The following NKAIN2 variants were observed in gnomAD, a reference collection of about 807,000 sequenced individuals.
NKAIN2 encodes sodium/potassium-transporting ATPase subunit beta-1-interacting protein 2.
In NKAIN2, 14 loss-of-function variants were observed where a neutral mutation model predicts 32.6. The observed-to-expected ratio is 0.43, with a 90% confidence interval of 0.28 to 0.67. The LOEUF (loss-of-function observed/expected upper bound fraction) is 0.67. Among genes scored for constraint, NKAIN2 ranks in the 30% least tolerant of loss-of-function variants. The pLI is 0.17. For missense variants in NKAIN2, 198 were observed against 258.3 expected (o/e 0.77, Z 1.60); for synonymous variants, 80 against 87.2 (o/e 0.92, Z 0.46).
chr6:124,573,982 A>G (rs369027854), intron 3 of NKAIN2, among the ~76,000 whole-genome samples: 3 of 152,204 alleles, frequency 2.0e-5, no homozygotes, highest in African/African-American at 7.2e-5. Context: ...AAAGGTAGAT[A>G]TAACCAGAAG....
intron 3 of NKAIN2, among the ~76,000 whole-genome samples, chr6:124,355,973 C>G (rs1798952705): frequency 6.6e-6 from 1 of 152,136 alleles, no homozygotes; most frequent in African/African-American, 2.4e-5. Context: ...CATCATCCTT[C>G]TGTTAGAATG....
chr6:124,821,111 A>G (rs909660221), intron 6 of NKAIN2, among the ~76,000 whole-genome samples: 3 of 152,106 alleles, frequency 2.0e-5, no homozygotes, highest in African/African-American at 7.2e-5. Context: ...CCTGGCCAAC[A>G]TGGCGAAACT....
intron 3 of NKAIN2, among the ~76,000 whole-genome samples, chr6:124,599,794 G>T (rs1479275186): frequency 1.3e-5 from 2 of 152,096 alleles, no homozygotes; most frequent in African/African-American, 4.8e-5. Context: ...TACCTCTCTT[G>T]TTCTTTTAGC....
intron 1 of NKAIN2, among the ~76,000 whole-genome samples, chr6:123,898,707 A>G (rs1480567744): frequency 6.6e-6 from 1 of 152,148 alleles, no homozygotes; most frequent in Non-Finnish European, 1.5e-5. Context: ...AGTCATCATC[A>G]TCATCACTGT....
intron 1 of NKAIN2, among the ~76,000 whole-genome samples, chr6:124,255,200 C>T (rs995478505): frequency 1.3e-5 from 2 of 152,124 alleles, no homozygotes; most frequent in Non-Finnish European, 2.9e-5. Context: ...TGATAAAATG[C>T]AAGAAGGCAT....
At chr6:124,483,782 A>G (rs1402864674) in intron 3 of NKAIN2, among the ~76,000 whole-genome samples, 2 of 152,020 alleles carry the variant, frequency 1.3e-5, no homozygotes, top group Non-Finnish European at 2.9e-5. Context: ...TAACTGTATT[A>G]TAACTAAATA....
chr6:123,951,408 T>C (rs756883033), intron 1 of NKAIN2, among the ~76,000 whole-genome samples: 33 of 152,046 alleles, frequency 2.2e-4, no homozygotes, highest in Non-Finnish European at 4.0e-4. Flanking sequence ...CTTTTACGTC[T>C]AGTAATGTTT....
intron 3 of NKAIN2, among the ~76,000 whole-genome samples, chr6:124,511,111 C>T (rs1295188269): frequency 6.6e-6 from 1 of 151,970 alleles, no homozygotes; most frequent in Non-Finnish European, 1.5e-5. Flanking sequence ...TTGAAAAAAA[C>T]AGAGACCAAT....
intron 4 of NKAIN2, among the ~76,000 whole-genome samples, chr6:124,779,308 G>A (rs1779141807): frequency 1.1e-5 from 1 of 94,228 alleles, no homozygotes; most frequent in South Asian, 4.7e-4. Context: ...GGGAGGGAGG[G>A]AGGGAGGGAG....
At chr6:124,633,747 T>C (rs1783662437) in intron 3 of NKAIN2, among the ~76,000 whole-genome samples, 1 of 152,216 alleles carries the variant, frequency 6.6e-6, no homozygotes, top group African/African-American at 2.4e-5. Flanking sequence ...TGGAGCCCAG[T>C]ACCCGTGCAC....
chr6:123,967,889 G>C (rs563075333), intron 1 of NKAIN2, among the ~76,000 whole-genome samples: 98 of 152,236 alleles, frequency 6.4e-4, no homozygotes, highest in African/African-American at 2.2e-3. Flanking sequence ...CTCGCTCTCT[G>C]TGGTATCTCA....
At chr6:123,970,283 G>T (rs937747863) in intron 1 of NKAIN2, among the ~76,000 whole-genome samples, 1 of 152,126 alleles carries the variant, frequency 6.6e-6, no homozygotes, top group Non-Finnish European at 1.5e-5. Context: ...AAATGGTAAG[G>T]CTGGTATGTA....
At chr6:124,023,402 C>G (rs1265084411) in intron 1 of NKAIN2, among the ~76,000 whole-genome samples, 6 of 152,058 alleles carry the variant, frequency 3.9e-5, no homozygotes, top group Non-Finnish European at 8.8e-5. Context: ...AGCCTATTCT[C>G]TGAAATTTTT....
At chr6:124,213,310 A>T (rs1470502189) in intron 1 of NKAIN2, among the ~76,000 whole-genome samples, 2 of 152,176 alleles carry the variant, frequency 1.3e-5, no homozygotes, top group Non-Finnish European at 2.9e-5. Flanking sequence ...GTACTCAATA[A>T]ATATTTGTCA....
Position 124,823,331 on chromosome 6 carries a change from A to G in NKAIN2, c.*102A>G, listed in dbSNP as rs894690006. 2.8e-5 allele frequency: 23 copies of G among 818,568 alleles called. No homozygotes were observed. The highest frequency in any genetic ancestry group is 1.3e-4 in the African/African-American group (8 of 59,950). 50.7% of individuals were successfully genotyped at this position (818,568 alleles called of 1,614,324 possible). On this transcript the variant is annotated 3_prime_UTR_variant, in exon 7 of 7. Transcript: ENST00000368417. ...GAGCAAGAAGCAACTGAGTTTAAAT[A>G]CATACACGTATTAACAAAACAAATG... is the stretch of plus-strand genomic sequence containing the variant.
intron 3 of NKAIN2, among the ~76,000 whole-genome samples, chr6:124,599,762 G>T (rs1166090068): frequency 6.6e-6 from 1 of 152,108 alleles, no homozygotes; most frequent in African/African-American, 2.4e-5. Flanking sequence ...AGGAAGCCCA[G>T]CTGTGAATAG....
In NKAIN2 at chr6:124,647,432, G is replaced by A. The variant is rs1784214969; in HGVS notation, c.274-10754G>A. On this transcript the variant is annotated intron_variant, in intron 3 of 6. Coordinates refer to ENST00000368417, the MANE Select transcript of NKAIN2 (RefSeq NM_001040214.3). ...CGTGCTCACTTGAACCCAGGAGGTGGAGGGTCTAGTAAGCCAAGATTGTGC... is the reference window on the plus strand; with the variant it reads ...CGTGCTCACTTGAACCCAGGAGGTGAAGGGTCTAGTAAGCCAAGATTGTGC... Among the ~76,000 whole-genome samples the A allele has an allele frequency of 2.1e-5, 3 of 140,350 alleles. No individual in the cohort carries two copies. In the South Asian group the frequency reaches 6.8e-4, roughly 32 times the overall value. 92.1% of individuals were successfully genotyped at this position (140,350 alleles called of 152,430 possible).
intron 3 of NKAIN2, among the ~76,000 whole-genome samples, chr6:124,475,473 C>T (rs190952400): frequency 1.1e-3 from 175 of 152,176 alleles, no homozygotes; most frequent in African/African-American, 2.4e-3. Flanking sequence ...GATTTTCTTC[C>T]ATGAGTGGAT....
chr6:123,893,857 A>G (rs1275410244), intron 1 of NKAIN2, among the ~76,000 whole-genome samples: 1 of 152,202 alleles, frequency 6.6e-6, no homozygotes, highest in Non-Finnish European at 1.5e-5. Context: ...CCAGGGCCTC[A>G]GTTCACAGAA....
Sources: allele counts gnomAD v4.1 joint callset (sites outside exome capture counted in the v4.1 genomes callset), GRCh38; gene constraint gnomAD v4.1.1; transcripts MANE v1.5; gene names NCBI Gene and HGNC (gene_info 2026-07-23, HGNC 2026-07-21).